Variants in SGIP1 observed in about 807,000 individuals in gnomAD.
SGIP1 encodes SH3-containing GRB2-like protein 3-interacting protein 1.
In SGIP1, 38 loss-of-function variants were observed where a neutral mutation model predicts 107.5. The observed-to-expected ratio is 0.35, with a 90% CI of 0.27 to 0.46. The LOEUF (loss-of-function observed/expected upper bound fraction) is 0.46, where lower values mean the gene tolerates loss of function less well. Ranked by LOEUF, SGIP1 falls within the 20% of genes least tolerant of loss-of-function variation. SGIP1 has a pLI of 1.00. For synonymous variants in SGIP1, 365 were observed against 366.1 expected (o/e 1.00, Z 0.03); for missense variants, 929 against 1,019.5 (o/e 0.91, Z 1.21).
At chr1:66,702,380 C>T (rs890819239) in intron 18 of SGIP1, among the ~76,000 whole-genome samples, 10 of 152,186 alleles carry the variant, frequency 6.6e-5, no homozygotes, top group Admixed American at 2.0e-4. Flanking sequence ...TCAATAACCA[C>T]GTGATCTTGA....
intron 2 of SGIP1, among the ~76,000 whole-genome samples, chr1:66,631,340 C>T (rs1282172051): frequency 6.6e-6 from 1 of 152,112 alleles, no homozygotes; most frequent in Admixed American, 6.5e-5. Flanking sequence ...CAAGATTCTT[C>T]CTATCATTCT....
chr1:66,550,793 T>A (rs1435579955), intron 1 of SGIP1, among the ~76,000 whole-genome samples: 2 of 152,162 alleles, frequency 1.3e-5, no homozygotes, highest in East Asian at 3.9e-4. Context: ...AGTTTATGAC[T>A]GGCTCAAATA....
In SGIP1 at chr1:66,689,144, T is replaced by G; in HGVS notation, c.1316-4T>G. The G allele has an allele frequency of 3.1e-6, 5 of 1,611,590 alleles. No individual in the cohort carries two copies. Among genetic ancestry groups the G allele is most frequent in the Non-Finnish European group, 4.2e-6 (5 of 1,178,734 alleles). On this transcript the variant is annotated splice_region_variant and splice_polypyrimidine_tract_variant and intron_variant, in intron 15 of 24. Transcript: ENST00000371037. ...AGCCATTTTAATGCTAGTTTGTTTT[T>G]CAGGTGCATCATCCCCTGCTCGACC...
intron 18 of SGIP1, among the ~76,000 whole-genome samples, chr1:66,715,843 T>G (rs1459274040): frequency 6.6e-6 from 1 of 152,194 alleles, no homozygotes; most frequent in Non-Finnish European, 1.5e-5. Context: ...TTTACACTTG[T>G]TTCTGCTGAT....
At chr1:66,677,155 C>T in intron 13 of SGIP1, 59 bp downstream of exon 13, 1 of 1,371,504 alleles carries the variant, frequency 7.3e-7, no homozygotes. Context: ...TGTCTGTCTG[C>T]ATAGTGAAAT....
At chr1:66,594,870 C>T (rs889570719) in intron 1 of SGIP1, among the ~76,000 whole-genome samples, 2 of 152,052 alleles carry the variant, frequency 1.3e-5, no homozygotes, top group Non-Finnish European at 2.9e-5. Flanking sequence ...AAATGCATTA[C>T]CACTCTGCTT....
At chr1:66,687,962 C>G (rs2088844448) in intron 15 of SGIP1, among the ~76,000 whole-genome samples, 1 of 152,194 alleles carries the variant, frequency 6.6e-6, no homozygotes, top group African/African-American at 2.4e-5. Flanking sequence ...CAGGGACTCT[C>G]CTAAAACACA....
rs1275263153 is a variant in SGIP1 at position 66,560,606 on chromosome 1, G to A, written c.10+26238G>A. On this transcript the variant is annotated intron_variant, in intron 1 of 24. Coordinates refer to ENST00000371037, the MANE Select transcript of SGIP1 (RefSeq NM_032291.4). Reference sequence around the variant, plus strand: ...ACTGCCAAAAACTACTTTTAAAAGTGCGTTAAGAGAATTTATTTCTTGACA... The same window carrying A: ...ACTGCCAAAAACTACTTTTAAAAGTACGTTAAGAGAATTTATTTCTTGACA... 4.6e-5 allele frequency among the ~76,000 whole-genome samples: 7 copies of A among 152,098 alleles called. No individual in the cohort carries two copies. In the East Asian group the frequency reaches 9.7e-4, roughly 21 times the overall value.
At chr1:66,708,701 G>A (rs1414006014) in intron 18 of SGIP1, among the ~76,000 whole-genome samples, 4 of 152,104 alleles carry the variant, frequency 2.6e-5, no homozygotes, top group African/African-American at 9.7e-5. Flanking sequence ...GACCCAGGTT[G>A]AAGAAAAATT....
intron 1 of SGIP1, among the ~76,000 whole-genome samples, chr1:66,578,642 T>C (rs2061405759): frequency 6.6e-6 from 1 of 152,164 alleles, no homozygotes; most frequent in African/African-American, 2.4e-5. Flanking sequence ...CCTACGCCCT[T>C]AATTGTACAA....
chr1:66,662,451 C>G (rs1465192220), intron 8 of SGIP1, among the ~76,000 whole-genome samples: 1 of 152,142 alleles, frequency 6.6e-6, no homozygotes, highest in African/African-American at 2.4e-5. Flanking sequence ...ACACTTTATT[C>G]ACATTGACTA....
At chr1:66,662,940 T>C (rs911761968) in intron 8 of SGIP1, among the ~76,000 whole-genome samples, 8 of 152,184 alleles carry the variant, frequency 5.3e-5, no homozygotes, top group Non-Finnish European at 1.0e-4. Context: ...TTATTATGTA[T>C]GATACAAATG....
chr1:66,700,862 G>C (rs1349542412), intron 18 of SGIP1, among the ~76,000 whole-genome samples: 1 of 151,974 alleles, frequency 6.6e-6, no homozygotes, highest in Non-Finnish European at 1.5e-5. Flanking sequence ...CCTGTTCTCA[G>C]TCCACTAATC....
intron 1 of SGIP1, among the ~76,000 whole-genome samples, chr1:66,536,973 A>G (rs897848192): frequency 3.9e-5 from 6 of 152,222 alleles, no homozygotes; most frequent in Non-Finnish European, 5.9e-5. Context: ...AATGGGTCAT[A>G]GTAAACTACG....
At chr1:66,599,283 A>G (rs2065297307) in intron 1 of SGIP1, among the ~76,000 whole-genome samples, 1 of 152,202 alleles carries the variant, frequency 6.6e-6, no homozygotes, top group South Asian at 2.1e-4. Context: ...AGCATATTTC[A>G]TCATGTTATT....
chr1:66,705,017 A>G (rs184576211), intron 18 of SGIP1, among the ~76,000 whole-genome samples: 38 of 152,348 alleles, frequency 2.5e-4, no homozygotes, highest in Admixed American at 2.1e-3. Flanking sequence ...TGCTTCATTT[A>G]TTAAATCAAA....
At chr1:66,585,835 AT>A (rs1467211240) in intron 1 of SGIP1, among the ~76,000 whole-genome samples, 2 of 152,130 alleles carry the variant, frequency 1.3e-5, no homozygotes, top group Non-Finnish European at 2.9e-5. Context: ...ACCAAGTTCC[AT>A]GCTTATGAAA....
Position 66,746,517 on chromosome 1 carries a change from G to T in SGIP1, c.*3422G>T, listed in dbSNP as rs940861285. On this transcript the variant is annotated 3_prime_UTR_variant, in exon 25 of 25. Coordinates refer to ENST00000371037, the MANE Select transcript of SGIP1 (RefSeq NM_032291.4). ...CTTTTGAGGCTTTATAAGCAAACTT[G>T]TAAAAACACAGTAATTGAATGATAT... 3 of 152,070 alleles carry T rather than the reference G, an allele frequency of 2.0e-5. No homozygotes were observed. The highest frequency in any genetic ancestry group is 7.2e-5 in the African/African-American group (3 of 41,422). 9.4% of individuals were successfully genotyped at this position (152,070 alleles called of 1,614,324 possible). A position where few individuals can be genotyped will look rare whatever the true frequency, so the allele number is the denominator to read the frequency against.
chr1:66,660,039 G>T (rs2080806623), intron 7 of SGIP1: 8 of 112,298 alleles, frequency 7.1e-5, no homozygotes, highest in Non-Finnish European at 1.1e-4. Flanking sequence ...AGGAAGGAAG[G>T]AAAGAAAGAA....
Sources: allele counts gnomAD v4.1 joint callset (sites outside exome capture counted in the v4.1 genomes callset), GRCh38; gene constraint gnomAD v4.1.1; transcripts MANE v1.5; gene names NCBI Gene and HGNC (gene_info 2026-07-23, HGNC 2026-07-21).